Variants in PCDHA4 observed in about 807,000 individuals in gnomAD.
PCDHA4 encodes the protein protocadherin alpha-4.
PCDHA4 carries 49 observed loss-of-function variants against 61.4 expected under a neutral mutation model. The ratio of observed to expected loss-of-function variants is 0.80; its 90% CI spans 0.63 to 1.01. The LOEUF (loss-of-function observed/expected upper bound fraction) is 1.01. Ranked by LOEUF, PCDHA4 falls within the 50% of genes least tolerant of loss-of-function variation. The pLI is 0.00. For missense variants in PCDHA4, 1,254 were observed against 1,235.8 expected (o/e 1.01, Z -0.22); for synonymous variants, 590 against 550.3 (o/e 1.07, Z -1.01).
chr5:140,810,401 C>T (rs1241607814), intron 1 of PCDHA4: 1 of 152,178 alleles, frequency 6.6e-6, no homozygotes, highest in Non-Finnish European at 1.5e-5. Flanking sequence ...TCTTTTGTAG[C>T]TAACACCAAC....
chr5:140,876,674 A>T (rs782568001), intron 1 of PCDHA4: 38 of 1,614,024 alleles, frequency 2.4e-5, no homozygotes, highest in Non-Finnish European at 3.1e-5. Flanking sequence ...GTGTCCACCT[A>T]CAAGAATTAC....
At chr5:140,901,927 A>C (rs2068986448) in intron 1 of PCDHA4, among the ~76,000 whole-genome samples, 1 of 151,764 alleles carries the variant, frequency 6.6e-6, no homozygotes. Context: ...TCTTTGGTTA[A>C]TTCCTAGGTA....
At chr5:140,987,588 A>G (rs1479484790) in intron 3 of PCDHA4, among the ~76,000 whole-genome samples, 1 of 152,220 alleles carries the variant, frequency 6.6e-6, no homozygotes, top group Non-Finnish European at 1.5e-5. Flanking sequence ...TGGGGAGAAT[A>G]GTGGTGTCTA....
chr5:140,835,256 C>T (rs201236040), intron 1 of PCDHA4: 72 of 1,606,500 alleles, frequency 4.5e-5, no homozygotes, highest in Non-Finnish European at 5.9e-5. Context: ...ATATAAAATC[C>T]AAGTTCCACA....
At chr5:140,947,771 T>A (rs1167163964) in intron 1 of PCDHA4, among the ~76,000 whole-genome samples, 1 of 151,706 alleles carries the variant, frequency 6.6e-6, no homozygotes, top group Non-Finnish European at 1.5e-5. Flanking sequence ...AAAATTCTAT[T>A]GTAAATGGAT....
At position 140,846,059 on chromosome 5, in the gene PCDHA4, G is replaced by A. The variant is rs1780185610; in HGVS notation, c.2385+36487G>A. ...AGTCAAGTTAACACCACCTATGTGG[G>A]AAAACAGTTTTTTGGAAAGGTTAAA... On this transcript the variant is annotated intron_variant, in intron 1 of 3. Coordinates refer to ENST00000530339, the MANE Select transcript of PCDHA4 (RefSeq NM_018907.4). 2.0e-5 allele frequency among the ~76,000 whole-genome samples: 3 copies of A among 149,674 alleles called. No individual in the cohort carries two copies. The South Asian group carries it at 6.3e-4, about 32-fold the overall frequency.
chr5:140,829,163 C>G, intron 1 of PCDHA4: 24 of 1,614,024 alleles, frequency 1.5e-5, no homozygotes, highest in Non-Finnish European at 2.0e-5. Flanking sequence ...CTTATCCTTG[C>G]CTGTACGTGA....
At position 140,850,017 on chromosome 5, in the gene PCDHA4, G is replaced by T. The variant is rs2150463566; in HGVS notation, c.2385+40445G>T. ...GGGCGAGCGCTCGCTGTCGAGCTAC[G>T]TGTCAGTGCACGCGGAGAGCGGCAA... is the stretch of plus-strand genomic sequence containing the variant. On this transcript the variant is annotated intron_variant, in intron 1 of 3. Transcript: ENST00000530339. The T allele has an allele frequency of 5.6e-6, 9 of 1,596,972 alleles. 2 individuals are homozygous for T. The highest frequency in any genetic ancestry group is 6.9e-6 in the Non-Finnish European group (8 of 1,167,832).
At chr5:140,987,635 G>A (rs2097262928) in intron 3 of PCDHA4, among the ~76,000 whole-genome samples, 3 of 152,176 alleles carry the variant, frequency 2.0e-5, no homozygotes, top group Non-Finnish European at 4.4e-5. Context: ...ATGAGATAAT[G>A]CACACATATT....
intron 1 of PCDHA4, chr5:140,928,142 C>T (rs2084978114): frequency 1.9e-6 from 3 of 1,614,170 alleles, no homozygotes; most frequent in East Asian, 2.2e-5. Flanking sequence ...CTGATCACGG[C>T]CTCAGATAGT....
intron 1 of PCDHA4, chr5:140,864,535 C>G (rs535465437): frequency 1.3e-5 from 2 of 152,242 alleles, no homozygotes; most frequent in South Asian, 2.1e-4. Flanking sequence ...TAATTTTTGT[C>G]TTCAATCTTC....
At chr5:140,978,030 A>T (rs2096786422) in intron 1 of PCDHA4, among the ~76,000 whole-genome samples, 1 of 152,194 alleles carries the variant, frequency 6.6e-6, no homozygotes, top group Non-Finnish European at 1.5e-5. Flanking sequence ...GCTTACTGAT[A>T]CAAGACAGTG....
intron 1 of PCDHA4, among the ~76,000 whole-genome samples, chr5:140,915,001 AGT>A (rs1563002922): frequency 6.9e-6 from 1 of 144,988 alleles, no homozygotes; most frequent in Non-Finnish European, 1.5e-5. Flanking sequence ...GCTGGAGTGC[AGT>A]GGCCTGATCT....
rs782085408 is a variant in PCDHA4, at chr5:140,870,885, C to A, written c.2385+61313C>A. On this transcript the variant is annotated intron_variant, in intron 1 of 3. Coordinates refer to ENST00000530339, the MANE Select transcript of PCDHA4 (RefSeq NM_018907.4). ...CGGGCCACGTGGTGGCGAAGGTGCG[C>A]GCAGTGGATGCGGACTCAGGCTACA... 5 of 1,613,800 alleles carry A rather than the reference C, an allele frequency of 3.1e-6. No individual in the cohort carries two copies. The African/African-American group carries it at 5.3e-5, about 17-fold the overall frequency.
At chr5:141,004,677 A>T (rs971713487) in intron 3 of PCDHA4, among the ~76,000 whole-genome samples, 4 of 152,194 alleles carry the variant, frequency 2.6e-5, no homozygotes, top group African/African-American at 7.2e-5. Context: ...AGGACTGTGG[A>T]GTGGTGCTGA....
chr5:140,975,522 G>A (rs2096670563), intron 1 of PCDHA4, among the ~76,000 whole-genome samples: 1 of 152,128 alleles, frequency 6.6e-6, no homozygotes, highest in African/African-American at 2.4e-5. Context: ...ATCTGCAGTG[G>A]ATATATTCTT....
chr5:140,814,945 C>T (rs1300851888), intron 1 of PCDHA4: 1 of 152,130 alleles, frequency 6.6e-6, no homozygotes, highest in Non-Finnish European at 1.5e-5. Context: ...TAATGTCCTT[C>T]TTTGTCTCTT....
intron 1 of PCDHA4, chr5:140,869,778 C>T (rs782226363): frequency 4.0e-5 from 65 of 1,612,804 alleles, no homozygotes; most frequent in Admixed American, 5.0e-5. Flanking sequence ...TTACTGGCAC[C>T]GTTCGGCTGT....
At position 140,808,405 on chromosome 5, in the gene PCDHA4, G is replaced by A. The variant is rs371283858; in HGVS notation, c.1218G>A (p.Ser406=). The A allele has an allele frequency of 2.2e-5, 35 of 1,614,162 alleles. No individual in the cohort carries two copies. The highest frequency in any genetic ancestry group is 2.9e-5 in the Non-Finnish European group (34 of 1,180,054). ...TGTCCACCTTCAAGAATTACTACTCGTTGGTGCTGGACAGTGCCCTGGACC... is the reference window on the plus strand; with the variant it reads ...TGTCCACCTTCAAGAATTACTACTCATTGGTGCTGGACAGTGCCCTGGACC... ...KLVSTFKNYY[S]LVLDSALDRE... is the part of the protein sequence containing the mutation. Residue 406 remains serine, a synonymous_variant, in exon 1 of 4, where the codon TCG becomes TCA. Transcript: ENST00000530339.
Sources: gnomAD v4.1 joint callset for allele counts (sites outside exome capture counted in the v4.1 genomes callset) on GRCh38, gnomAD v4.1.1 for gene constraint, MANE v1.5 for transcripts, NCBI Gene and HGNC (gene_info 2026-07-23, HGNC 2026-07-21) for gene names.